Variants in KIF3A observed in about 807,000 individuals in gnomAD.
KIF3A encodes kinesin family member 3A, also known as kinesin-like protein KIF3A.
Under a neutral mutation model 92.6 loss-of-function variants are expected in KIF3A, and 27 were observed. That is an observed-to-expected ratio of 0.29 (90% CI 0.21 to 0.40). KIF3A has a LOEUF of 0.40. KIF3A is among the 10% of genes least tolerant of loss of function. The pLI, the probability that KIF3A is intolerant of heterozygous loss-of-function variation, is 1.00. For missense variants in KIF3A, 581 were observed against 872.6 expected (o/e 0.67, Z 4.21); for synonymous variants, 250 against 275.4 (o/e 0.91, Z 0.92).
intron 1 of KIF3A, chr5:132,736,914 T>C (rs933674767): frequency 1.5e-5 from 5 of 340,104 alleles, no homozygotes; most frequent in Non-Finnish European, 2.9e-5. Context: ...GGTTTCATTC[T>C]GCATCATAAG....
intron 2 of KIF3A, among the ~76,000 whole-genome samples, chr5:132,728,774 T>TAAATAAATAA (rs1561712265): frequency 2.7e-5 from 4 of 146,568 alleles, no homozygotes; most frequent in African/African-American, 1.1e-4. Flanking sequence ...TAAATAAATA[T>TAAATAAATAA]AATAAACTAT....
chr5:132,692,039 T>C (rs189440334), downstream of KIF3A, among the ~76,000 whole-genome samples: 33 of 151,950 alleles, frequency 2.2e-4, no homozygotes, highest in East Asian at 4.1e-3. Flanking sequence ...CAATGACAGA[T>C]TGGATGAAGA....
chr5:132,708,494 A>G (rs1753303369), intron 10 of KIF3A, among the ~76,000 whole-genome samples: 1 of 152,226 alleles, frequency 6.6e-6, no homozygotes, highest in East Asian at 1.9e-4. Context: ...ACGACATGTT[A>G]TAATGGGCAC....
chr5:132,722,882 C>A (rs1041071327), intron 4 of KIF3A, among the ~76,000 whole-genome samples: 1 of 152,090 alleles, frequency 6.6e-6, no homozygotes, highest in Non-Finnish European at 1.5e-5. Flanking sequence ...ATTCTATATG[C>A]CTCTATTTTA....
At chr5:132,706,534 A>G (rs903144355) in intron 10 of KIF3A, 75 bp from the exon 11 acceptor site, 10 of 1,211,324 alleles carry the variant, frequency 8.3e-6, no homozygotes, top group Non-Finnish European at 1.0e-5. Flanking sequence ...AAAAAGGAAA[A>G]CATTATTTCT....
At position 132,734,528 on chromosome 5, in the gene KIF3A, CTCA is replaced by C; in HGVS notation, c.7-53_7-51del. Reference sequence around the variant, plus strand: ...AATGAAAAGAACATTAATTTTTACCCTCATCAGATTAAATTTATAAACTTTAAA... The same window carrying C: ...AATGAAAAGAACATTAATTTTTACCCTCAGATTAAATTTATAAACTTTAAA... On this transcript the variant is annotated intron_variant, in intron 1 of 18. Transcript: ENST00000403231. 3 of 1,511,210 alleles carry C rather than the reference CTCA, an allele frequency of 2.0e-6. No individual in the cohort carries two copies. In the South Asian group the frequency reaches 4.0e-5, roughly 20 times the overall value. The allele number at this position is 1,511,210 out of a possible 1,614,324, so 93.6% of individuals were successfully genotyped here. A position where few individuals can be genotyped will look rare whatever the true frequency, so the allele number is the denominator to read the frequency against.
chr5:132,708,200 T>C (rs1268229046), intron 10 of KIF3A, among the ~76,000 whole-genome samples: 1 of 147,280 alleles, frequency 6.8e-6, no homozygotes, highest in African/African-American at 2.5e-5. Flanking sequence ...GAGAATGGCG[T>C]GAACCCGGGA....
intron 4 of KIF3A, among the ~76,000 whole-genome samples, chr5:132,724,809 ATATATATATATATAT>A (rs1753968487): frequency 2.5e-3 from 26 of 10,516 alleles, no homozygotes; most frequent in African/African-American, 5.9e-3. Context: ...AAAAAAAAAT[ATATATATATATATAT>A]ATATATATAT....
rs975066627 is a variant in KIF3A at position 132,696,460 on chromosome 5, T to C, written c.*174A>G. On this transcript the variant is annotated 3_prime_UTR_variant, in exon 19 of 19. Coordinates refer to ENST00000403231, the MANE Select transcript of KIF3A (RefSeq NM_001300791.2). Reference sequence around the variant, plus strand: ...CACCAGTTGTACAATTTTAATGTTATATTAATATATGTAGACTAAAAGTTC... The same window carrying C: ...CACCAGTTGTACAATTTTAATGTTACATTAATATATGTAGACTAAAAGTTC... The C allele has an allele frequency of 3.6e-6, 2 of 556,780 alleles. No individual in the cohort carries two copies. Among genetic ancestry groups the C allele is most frequent in the Non-Finnish European group, 6.5e-6 (2 of 306,350 alleles). 34.5% of individuals were successfully genotyped at this position (556,780 alleles called of 1,614,324 possible). A position where few individuals can be genotyped will look rare whatever the true frequency, so the allele number is the denominator to read the frequency against.
At chr5:132,729,611 T>C (rs1754157666) in intron 2 of KIF3A, among the ~76,000 whole-genome samples, 1 of 152,202 alleles carries the variant, frequency 6.6e-6, no homozygotes, top group Admixed American at 6.5e-5. Context: ...CTAGAGAATT[T>C]AAAAATATTT....
chr5:132,726,052 A>G (rs1023015156), intron 4 of KIF3A, 76 bp downstream of exon 4: 133 of 1,057,460 alleles, frequency 1.3e-4, no homozygotes, highest in Non-Finnish European at 1.4e-4. Context: ...TTGTTTAAAA[A>G]AAGAAGGGGG....
At chr5:132,726,752 A>G (rs759615794) in intron 2 of KIF3A, among the ~76,000 whole-genome samples, 1 of 152,208 alleles carries the variant, frequency 6.6e-6, no homozygotes, top group Non-Finnish European at 1.5e-5. Flanking sequence ...AAATGCAAAA[A>G]TCTTCCAGTA....
chr5:132,708,150 C>T (rs1229557266), intron 10 of KIF3A, among the ~76,000 whole-genome samples: 3 of 151,842 alleles, frequency 2.0e-5, no homozygotes, highest in African/African-American at 7.3e-5. Context: ...GGAGTGGTGG[C>T]GGGCACCTGT....
In KIF3A at chr5:132,695,612, A is replaced by G. The variant is rs1163702250; in HGVS notation, c.*1022T>C. 1 of 152,352 alleles carries G rather than the reference A, an allele frequency of 6.6e-6. No individual in the cohort carries two copies. Among genetic ancestry groups the G allele is most frequent in the Non-Finnish European group, 1.5e-5 (1 of 68,034 alleles). The allele number at this position is 152,352 out of a possible 1,614,324, so 9.4% of individuals were successfully genotyped here. A position where few individuals can be genotyped will look rare whatever the true frequency, so the allele number is the denominator to read the frequency against. On this transcript the variant is annotated 3_prime_UTR_variant, in exon 19 of 19. Transcript: ENST00000403231. The stretch of plus-strand genomic sequence containing the variant: ...TTGTAGAGGAATATGGTCTAACTGG[A>G]TTACCCAATAGAAGAAATTCAGAAA...
chr5:132,707,524 C>T (rs183420292), intron 10 of KIF3A, among the ~76,000 whole-genome samples: 154 of 152,314 alleles, frequency 1.0e-3, no homozygotes, highest in African/African-American at 3.6e-3. Flanking sequence ...TAAATTGCAA[C>T]GCCTCCCACT....
At chr5:132,722,171 C>T (rs767332305) in intron 4 of KIF3A, among the ~76,000 whole-genome samples, 1 of 152,194 alleles carries the variant, frequency 6.6e-6, no homozygotes, top group Non-Finnish European at 1.5e-5. Context: ...TGTCTGCAAA[C>T]TAGTGGTCTT....
At position 132,704,294 on chromosome 5, in the gene KIF3A, A is replaced by G. The variant is rs186141863; in HGVS notation, c.1310-675T>C. 6.4e-3 allele frequency among the ~76,000 whole-genome samples: 973 copies of G among 152,078 alleles called. 8 individuals are homozygous for G. The highest frequency in any genetic ancestry group is 0.023 in the African/African-American group (943 of 41,556). ...AGCATTTCACAGTTGCTGAGCTGTC[A>G]AGATATATCATCATACACTAAAGGA... On this transcript the variant is annotated intron_variant, in intron 11 of 18. Coordinates refer to ENST00000403231, the MANE Select transcript of KIF3A (RefSeq NM_001300791.2).
At chr5:132,725,571 G>T (rs1461987075) in intron 4 of KIF3A, among the ~76,000 whole-genome samples, 1 of 152,118 alleles carries the variant, frequency 6.6e-6, no homozygotes, top group Non-Finnish European at 1.5e-5. Flanking sequence ...CCATTCACTT[G>T]CTATATGACC....
intron 10 of KIF3A, among the ~76,000 whole-genome samples, chr5:132,706,932 A>G (rs1171230783): frequency 6.6e-6 from 1 of 152,188 alleles, no homozygotes; most frequent in East Asian, 1.9e-4. Flanking sequence ...TCCCAATTCA[A>G]TATTTCTTTT....
Sources: allele counts gnomAD v4.1 joint callset (sites outside exome capture counted in the v4.1 genomes callset), GRCh38; gene constraint gnomAD v4.1.1; transcripts MANE v1.5; gene names NCBI Gene and HGNC (gene_info 2026-07-23, HGNC 2026-07-21).